Variants in BMPR2 observed in about 807,000 individuals in gnomAD.
The protein encoded by BMPR2 is bone morphogenetic protein receptor type 2.
Under a neutral mutation model 100.8 loss-of-function variants are expected in BMPR2, and 29 were observed. That is an observed-to-expected ratio of 0.29 (90% CI 0.21 to 0.39). The LOEUF (loss-of-function observed/expected upper bound fraction) is 0.39. Among genes scored for constraint, BMPR2 ranks in the 10% least tolerant of loss-of-function variants. The pLI is 1.00. For missense variants in BMPR2, 1,011 were observed against 1,274.5 expected, an observed-to-expected ratio of 0.79 and a Z score of 3.15; for synonymous variants, 382 against 442.3, an observed-to-expected ratio of 0.86 and a Z score of 1.71.
chr2:202,406,007 ACT>A (rs74441498), intron 1 of BMPR2, among the ~76,000 whole-genome samples: 18,214 of 152,114 alleles, frequency 0.12, 1,724 homozygotes, highest in East Asian at 0.52. Flanking sequence ...AACAGTAGAA[ACT>A]CTGTACAAAC....
intron 10 of BMPR2, among the ~76,000 whole-genome samples, chr2:202,544,959 G>A (rs536203105): frequency 1.3e-5 from 2 of 151,118 alleles, no homozygotes; most frequent in Non-Finnish European, 3.0e-5. Context: ...ACAGGGTCTC[G>A]CTTTGTTTCC....
intron 3 of BMPR2, among the ~76,000 whole-genome samples, chr2:202,499,864 A>C (rs1326679609): frequency 1.3e-5 from 2 of 152,154 alleles, no homozygotes; most frequent in Non-Finnish European, 2.9e-5. Context: ...AGACAAACAA[A>C]CCTTGGTGGT....
intron 3 of BMPR2, among the ~76,000 whole-genome samples, chr2:202,468,400 C>T (rs1434597602): frequency 3.3e-5 from 5 of 152,088 alleles, no homozygotes; most frequent in Non-Finnish European, 5.9e-5. Context: ...TTTGCTTGAG[C>T]CTAGGAAGTT....
chr2:202,508,940 A>G (rs1375161071), intron 3 of BMPR2, among the ~76,000 whole-genome samples: 1 of 152,228 alleles, frequency 6.6e-6, no homozygotes, highest in Non-Finnish European at 1.5e-5. Context: ...TTAATGACAC[A>G]TAAGGTAGAA....
At chr2:202,485,792 G>A (rs934318331) in intron 3 of BMPR2, among the ~76,000 whole-genome samples, 6 of 151,834 alleles carry the variant, frequency 4.0e-5, no homozygotes, top group Middle Eastern at 3.4e-3. Flanking sequence ...TGATTCGCCC[G>A]CCTGGGCCTC....
At chr2:202,557,386 C>G (rs1465833568) in intron 12 of BMPR2, among the ~76,000 whole-genome samples, 1 of 151,650 alleles carries the variant, frequency 6.6e-6, no homozygotes, top group African/African-American at 2.4e-5. Flanking sequence ...TTGCTTGAAC[C>G]CAGGAGGCGG....
At chr2:202,528,231 A>C (rs1461283570) in intron 7 of BMPR2, among the ~76,000 whole-genome samples, 1 of 152,156 alleles carries the variant, frequency 6.6e-6, no homozygotes, top group Non-Finnish European at 1.5e-5. Flanking sequence ...TCTGTCGCCC[A>C]GGCTGTAGTA....
chr2:202,565,507 AT>A lies in BMPR2; in HGVS notation c.*5565del, dbSNP rs1436539423. Reference sequence around the variant, plus strand: ...GCACTTAATTTTTGTGTTATCTAACATTTTCTATTGTGGAATTTTATGATTT... The same window carrying A: ...GCACTTAATTTTTGTGTTATCTAACATTTCTATTGTGGAATTTTATGATTT... On this transcript the variant is annotated 3_prime_UTR_variant, in exon 13 of 13. Transcript: ENST00000374580. 1 of 152,522 alleles carries A rather than the reference AT, an allele frequency of 6.6e-6. No individual in the cohort carries two copies. The highest frequency in any genetic ancestry group is 1.9e-4 in the East Asian group (1 of 5,202). 9.4% of individuals were successfully genotyped at this position (152,522 alleles called of 1,614,324 possible).
chr2:202,489,980 G>A (rs1189153077), intron 3 of BMPR2, among the ~76,000 whole-genome samples: 1 of 152,146 alleles, frequency 6.6e-6, no homozygotes, highest in Non-Finnish European at 1.5e-5. Context: ...GGCTGATCTA[G>A]GCAGGACTCA....
At chr2:202,410,786 A>G (rs1690998122) in intron 1 of BMPR2, among the ~76,000 whole-genome samples, 1 of 151,890 alleles carries the variant, frequency 6.6e-6, no homozygotes, top group Admixed American at 6.6e-5. Flanking sequence ...TCACTGTGTT[A>G]GCCAGGATGG....
chr2:202,390,980 CTTTTTTTTTTT>C (rs11459505), intron 1 of BMPR2, among the ~76,000 whole-genome samples: 54 of 51,904 alleles, frequency 1.0e-3, no homozygotes, highest in African/African-American at 1.7e-3. Context: ...AGTAAGTAGT[CTTTTTTTTTTT>C]TTTTTTTTTT....
chr2:202,434,911 ATATATAT>A (rs1691581767), intron 1 of BMPR2, among the ~76,000 whole-genome samples: 15 of 32,228 alleles, frequency 4.7e-4, no homozygotes, highest in Admixed American at 1.1e-3. Context: ...AAAAAAAAAT[ATATATAT>A]ATATATATAT....
At chr2:202,535,645 C>G (rs1439973563) in intron 9 of BMPR2, among the ~76,000 whole-genome samples, 1 of 151,958 alleles carries the variant, frequency 6.6e-6, no homozygotes, top group Non-Finnish European at 1.5e-5. Context: ...AGATGATGGG[C>G]GGCCAGGCAG....
At chr2:202,460,942 C>T (rs1444976280) in intron 1 of BMPR2, among the ~76,000 whole-genome samples, 1 of 151,752 alleles carries the variant, frequency 6.6e-6, no homozygotes, top group East Asian at 1.9e-4. Flanking sequence ...CCCTGAACTC[C>T]TGGGCTCCAG....
At chr2:202,487,493 C>T (rs1692802709) in intron 3 of BMPR2, among the ~76,000 whole-genome samples, 1 of 152,022 alleles carries the variant, frequency 6.6e-6, no homozygotes, top group Non-Finnish European at 1.5e-5. Flanking sequence ...GTTAAAAAAT[C>T]AATAAGATAA....
At chr2:202,377,703 C>G (rs1051950316) in intron 1 of BMPR2, among the ~76,000 whole-genome samples, 153 bp downstream of exon 1, 1 of 152,268 alleles carries the variant, frequency 6.6e-6, no homozygotes, top group African/African-American at 2.4e-5. Context: ...GCGCCTGCCC[C>G]ATGCCTTCCA....
intron 3 of BMPR2, among the ~76,000 whole-genome samples, chr2:202,477,881 A>T (rs1309854672): frequency 6.6e-6 from 1 of 152,220 alleles, no homozygotes; most frequent in Admixed American, 6.5e-5. Context: ...TATATTTGTA[A>T]AAGTGTTTAG....
In BMPR2 at chr2:202,457,561, TAGAGAGAGAGAGAG is replaced by T. The variant is rs72489501; in HGVS notation, c.77-7229_77-7216del. Among the ~76,000 whole-genome samples, 261 of 94,846 alleles carry T rather than the reference TAGAGAGAGAGAGAG, an allele frequency of 2.8e-3. 3 individuals carry two copies. Among genetic ancestry groups the T allele is most frequent in the Admixed American group, 0.013 (124 of 9,524 alleles). The allele number at this position is 94,846 out of a possible 152,430, so 62.2% of individuals were successfully genotyped here. A position where few individuals can be genotyped will look rare whatever the true frequency, so the allele number is the denominator to read the frequency against. ...AATATTTTATATATATATATATATA[TAGAGAGAGAGAGAG>T]AGAGAGAGAGAGAGAGAGTATTATA... On this transcript the variant is annotated intron_variant, in intron 1 of 12. Coordinates refer to ENST00000374580, the MANE Select transcript of BMPR2 (RefSeq NM_001204.7).
chr2:202,556,199 A>T lies in BMPR2; in HGVS notation c.2534A>T (p.Glu845Val). The T allele has an allele frequency of 6.2e-7, 1 of 1,611,632 alleles. No homozygotes were observed. Among genetic ancestry groups the T allele is most frequent in the Non-Finnish European group, 8.5e-7 (1 of 1,177,948 alleles). ...TTNIVTHRAQ[E>V]MLQNQFIGED... ...AACATAGTGACACATAGGGCCCAAGAAATGTTGCAGAATCAGTTTATTGGT... is the reference window on the plus strand; with the variant it reads ...AACATAGTGACACATAGGGCCCAAGTAATGTTGCAGAATCAGTTTATTGGT... The change falls in exon 12 of 13, where the codon GAA becomes GTA. Residue 845 changes from glutamate (E) to valine (V), a missense_variant. Around this residue, in one of 6 missense-constraint regions of BMPR2, gnomAD observed 508 missense variants for 552.0 expected, o/e 0.92. Coordinates refer to ENST00000374580, the MANE Select transcript of BMPR2 (RefSeq NM_001204.7).
Sources: gnomAD v4.1 joint callset for allele counts (sites outside exome capture counted in the v4.1 genomes callset) on GRCh38, gnomAD v4.1.1 for gene constraint, gnomAD v4.1.1 regional missense constraint, MANE v1.5 for transcripts, NCBI Gene and HGNC (gene_info 2026-07-23, HGNC 2026-07-21) for gene names.